Variants in TCF20 observed in about 807,000 individuals in gnomAD.
TCF20 encodes transcription factor 20.
In TCF20, 3 loss-of-function variants were observed where a neutral mutation model predicts 148.6. The observed-to-expected ratio is 0.02, with a 90% CI of 0.01 to 0.05. TCF20 has a LOEUF of 0.05. TCF20 is among the 10% of genes least tolerant of loss of function. The pLI is 1.00. For missense variants in TCF20, 2,350 were observed against 2,429.3 expected, an observed-to-expected ratio of 0.97 and a Z score of 0.69; for synonymous variants, 1,049 against 909.5, an observed-to-expected ratio of 1.15 and a Z score of -2.76.
rs61195705 is a variant in TCF20 at position 42,297,752 on chromosome 22, C to G, written c.-37+45727G>C. Reference sequence around the variant, plus strand: ...TCCCCTCTTGCCCCACAAACCACAACAGAAGGCCTCGGGTCGCATCCCCCC... The same window carrying G: ...TCCCCTCTTGCCCCACAAACCACAAGAGAAGGCCTCGGGTCGCATCCCCCC... On this transcript the variant is annotated intron_variant, in intron 1 of 1. Transcript: ENST00000515426. The surrounding 1 kb of genome is among the most constrained non-coding windows in gnomAD (Gnocchi z 4.3). 5.5e-3 allele frequency among the ~76,000 whole-genome samples: 833 copies of G among 152,314 alleles called. 7 individuals are homozygous for G. Among genetic ancestry groups the G allele is most frequent in the African/African-American group, 0.019 (773 of 41,572 alleles).
At chr22:42,318,142 A>G (rs1927667022) in intron 1 of TCF20, among the ~76,000 whole-genome samples, 1 of 152,232 alleles carries the variant, frequency 6.6e-6, no homozygotes, top group African/African-American at 2.4e-5. Context: ...TATGATTTGC[A>G]TATGCTAATT....
At chr22:42,320,187 T>C (rs1352557862) in intron 1 of TCF20, among the ~76,000 whole-genome samples, 1 of 152,208 alleles carries the variant, frequency 6.6e-6, no homozygotes, top group African/African-American at 2.4e-5. Flanking sequence ...TGGCTGTTTC[T>C]CAAACTTACC....
chr22:42,325,025 T>C (rs1927849167), intron 1 of TCF20, among the ~76,000 whole-genome samples: 1 of 152,226 alleles, frequency 6.6e-6, no homozygotes, highest in Non-Finnish European at 1.5e-5. Context: ...GGATGCTCCC[T>C]CTTTGTCTTC....
chr22:42,261,820 G>A (rs1354633952), intron 1 of TCF20, among the ~76,000 whole-genome samples: 1 of 152,142 alleles, frequency 6.6e-6, no homozygotes, highest in Non-Finnish European at 1.5e-5. Flanking sequence ...GGTGGAACCT[G>A]TCTCTACTAA....
At chr22:42,303,036 C>T (rs5758704) in intron 1 of TCF20, among the ~76,000 whole-genome samples, 148,247 of 152,318 alleles carry the variant, frequency 0.97, 72,186 homozygotes, top group East Asian at 1. Flanking sequence ...TTCAAGCAAT[C>T]CTCCTGCCTC....
At position 42,259,824 on chromosome 22, in the gene TCF20, G is replaced by A. The variant is rs1925934523; in HGVS notation, c.-37+10515C>T. ...GCATGCTTAACCCTGAGAGGAAAAG[G>A]GAGATAAACAAAAGGACAAGATAAA... On this transcript the variant is annotated intron_variant, in intron 1 of 5. Transcript: ENST00000677622. Among the ~76,000 whole-genome samples, 3 of 152,284 alleles carry A rather than the reference G, an allele frequency of 2.0e-5. No homozygotes were observed. The South Asian group carries it at 6.2e-4, about 32-fold the overall frequency.
chr22:42,321,416 C>A (rs924306233), intron 1 of TCF20, among the ~76,000 whole-genome samples: 4 of 146,018 alleles, frequency 2.7e-5, no homozygotes, highest in Non-Finnish European at 4.7e-5. Flanking sequence ...GGCCAGGTCA[C>A]CCTAAGGGCC....
intron 1 of TCF20, among the ~76,000 whole-genome samples, chr22:42,319,105 A>G (rs937635308): frequency 6.6e-6 from 1 of 152,220 alleles, no homozygotes; most frequent in African/African-American, 2.4e-5. Flanking sequence ...GTGGGAGGGC[A>G]GAGATGGTGC....
chr22:42,239,335 G>T (rs1396056366), intron 1 of TCF20, among the ~76,000 whole-genome samples: 1 of 151,876 alleles, frequency 6.6e-6, no homozygotes, highest in African/African-American at 2.4e-5. Flanking sequence ...AATTAGCAGG[G>T]CGTGATGGCG....
In TCF20 at chr22:42,188,293, CAAAAAAAAAAA is replaced by C. The variant is rs58945649; in HGVS notation, c.5656-8602_5656-8592del. Among the ~76,000 whole-genome samples, 332 of 49,470 alleles carry C rather than the reference CAAAAAAAAAAA, an allele frequency of 6.7e-3. 5 individuals are homozygous for C. Among genetic ancestry groups the C allele is most frequent in the Non-Finnish European group, 0.011 (261 of 23,480 alleles). 32.5% of individuals were successfully genotyped at this position (49,470 alleles called of 152,430 possible). On this transcript the variant is annotated intron_variant, in intron 2 of 5. Coordinates refer to ENST00000677622, the MANE Select transcript of TCF20 (RefSeq NM_001378418.1). ...GGGCAACAAGAGTGAAACTCCGTCT[CAAAAAAAAAAA>C]AAAAAAAAAAAAAAAATCCAGATTC...
At chr22:42,197,250 C>T (rs1366478115) in intron 2 of TCF20, among the ~76,000 whole-genome samples, 1 of 152,034 alleles carries the variant, frequency 6.6e-6, no homozygotes, top group Non-Finnish European at 1.5e-5. Flanking sequence ...ACCAAGGAGG[C>T]TACTTGATTT....
chr22:42,240,994 T>C (rs1924348833), intron 1 of TCF20, among the ~76,000 whole-genome samples: 1 of 152,090 alleles, frequency 6.6e-6, no homozygotes, highest in Non-Finnish European at 1.5e-5. Context: ...TAGCTGGGAT[T>C]ACAAGCACCC....
intron 2 of TCF20, among the ~76,000 whole-genome samples, chr22:42,208,063 G>C (rs1891654302): frequency 6.6e-6 from 1 of 152,014 alleles, no homozygotes; most frequent in African/African-American, 2.4e-5. Flanking sequence ...GTACTGGCAT[G>C]CACCTGTGGT....
intron 1 of TCF20, among the ~76,000 whole-genome samples, chr22:42,263,075 C>T (rs940127017): frequency 3.3e-5 from 5 of 152,114 alleles, no homozygotes; most frequent in Non-Finnish European, 7.4e-5. Context: ...AGTGCCTTCC[C>T]CCAACAGCCC....
chr22:42,243,310 A>AAACAAAAAAAAAAAAAAC (rs1555943090), intron 1 of TCF20, among the ~76,000 whole-genome samples: 3 of 140,864 alleles, frequency 2.1e-5, no homozygotes, highest in Non-Finnish European at 4.5e-5. Context: ...AAAAAAAAAA[A>AAACAAAAAAAAAAAAAAC]AAAAAAAAAA....
intron 5 of TCF20, 143 bp downstream of exon 5, chr22:42,168,466 A>G (rs116182694): frequency 2.1e-5 from 27 of 1,268,790 alleles, no homozygotes; most frequent in Middle Eastern, 5.6e-4. Flanking sequence ...TAAGTAACCA[A>G]TGGAAGAACA....
chr22:42,319,886 G>A (rs1004536849), intron 1 of TCF20, among the ~76,000 whole-genome samples: 2 of 152,058 alleles, frequency 1.3e-5, no homozygotes, highest in Admixed American at 6.5e-5. Flanking sequence ...ACCCCCACCT[G>A]CAGGGTGTTT....
chr22:42,177,970 G>C (rs891837698), intron 3 of TCF20, among the ~76,000 whole-genome samples: 1 of 152,124 alleles, frequency 6.6e-6, no homozygotes, highest in African/African-American at 2.4e-5. Context: ...TTAGCAGCTT[G>C]GAACTGTTAG....
At position 42,214,926 on chromosome 22, in the gene TCF20, C is replaced by T. The variant is rs770724958; in HGVS notation, c.380G>A (p.Gly127Asp). The part of the protein sequence containing the change: ...SYGPPQGSSF[G>D]NQYGSEGHVG... ...ATGACCCTCACTCCCATACTGATTG[C>T]CAAAGCTGCTCCCCTGGGGGGGTCC... Residue 127 changes from glycine (G) to aspartate (D), a missense_variant, in exon 2 of 6, where the codon GGC becomes GAC. Gly to Asp is a moderately conservative substitution (Grantham distance 94, BLOSUM62 -1). This residue lies in a region of TCF20 where 1,641 missense variants were observed against 1,662.6 expected (regional missense o/e 0.99). Coordinates refer to ENST00000677622, the MANE Select transcript of TCF20 (RefSeq NM_001378418.1). The T allele has an allele frequency of 1.9e-6, 3 of 1,614,126 alleles. No homozygotes were observed. The highest frequency in any genetic ancestry group is 1.7e-5 in the Admixed American group (1 of 60,008).
Sources: allele counts gnomAD v4.1 joint callset (sites outside exome capture counted in the v4.1 genomes callset), GRCh38; gene constraint gnomAD v4.1.1; regional missense constraint gnomAD v4.1.1; non-coding constraint Gnocchi (gnomAD v3.1); transcripts MANE v1.5; gene names NCBI Gene and HGNC (gene_info 2026-07-23, HGNC 2026-07-21).